Variants in TRPM7 observed in about 807,000 individuals in gnomAD.
TRPM7 encodes transient receptor potential cation channel subfamily M member 7.
A neutral mutation model predicts 229.7 loss-of-function variants in TRPM7; 134 were observed. The observed-to-expected ratio is 0.58, with a 90% confidence interval of 0.51 to 0.67. TRPM7 has a LOEUF of 0.67. TRPM7 is among the 30% of genes least tolerant of loss of function. TRPM7 has a pLI of 0.00. For synonymous variants in TRPM7, 699 were observed against 715.2 expected (o/e 0.98, Z 0.36); for missense variants, 1,901 against 2,210.0 (o/e 0.86, Z 2.80).
At chr15:50,664,770 G>C (rs937360011) in intron 1 of TRPM7, among the ~76,000 whole-genome samples, 1 of 152,044 alleles carries the variant, frequency 6.6e-6, no homozygotes, top group Admixed American at 6.6e-5. Context: ...AGACCAGCTG[G>C]GTAACACAGT....
At chr15:50,660,266 C>T in intron 2 of TRPM7, among the ~76,000 whole-genome samples, 1 of 151,948 alleles carries the variant, frequency 6.6e-6, no homozygotes, top group Non-Finnish European at 1.5e-5. Context: ...AAAACATTTA[C>T]AGAATGTATT....
At chr15:50,565,515 T>C (rs1411413706) in intron 38 of TRPM7, among the ~76,000 whole-genome samples, 1 of 152,144 alleles carries the variant, frequency 6.6e-6, no homozygotes, top group Non-Finnish European at 1.5e-5. Context: ...TAATACACAA[T>C]GATAAAATAA....
Position 50,613,804 on chromosome 15 carries a change from A to C in TRPM7, c.1673T>G (p.Leu558Trp). 1.2e-6 allele frequency: 2 copies of C among 1,613,908 alleles called. No individual in the cohort carries two copies. Among genetic ancestry groups the C allele is most frequent in the Non-Finnish European group, 1.7e-6 (2 of 1,179,968 alleles). Residue 558 changes from leucine to tryptophan, a missense_variant, in exon 15 of 39, where the codon TTG becomes TGG. Around this residue, in one of 8 missense-constraint regions of TRPM7, gnomAD observed 794 missense variants for 881.9 expected, o/e 0.90. Transcript: ENST00000646667. ...GRNTSSSTPQ[L>W]RKSHESFGNR... ...GCCAAAAGATTCATGACTCTTTCGC[A>C]ACTGAGGAGTGCTGCTGGAGGTATT...
Position 50,636,189 on chromosome 15 carries a change from T to C in TRPM7, c.832+1233A>G, listed in dbSNP as rs190982317. On this transcript the variant is annotated intron_variant, in intron 7 of 38. Transcript: ENST00000646667. ...TGTAGGACTATAAACAATTCTTAAC[T>C]TTTTTTTTTTTTTTGCAATGGAGTC... Among the ~76,000 whole-genome samples, 691 of 124,768 alleles carry C rather than the reference T, an allele frequency of 5.5e-3. 10 individuals carry two copies. Among genetic ancestry groups the C allele is most frequent in the African/African-American group, 0.021 (664 of 31,546 alleles). The allele number at this position is 124,768 out of a possible 152,430, so 81.9% of individuals were successfully genotyped here.
At chr15:50,634,287 C>A (rs142020944) in intron 8 of TRPM7, 95 bp downstream of exon 8, 2 of 1,001,038 alleles carry the variant, frequency 2.0e-6, no homozygotes, top group Non-Finnish European at 2.7e-6. Flanking sequence ...CACCACTGCA[C>A]GCTATCCAGG....
At chr15:50,627,850 G>T (rs995249400) in intron 11 of TRPM7, among the ~76,000 whole-genome samples, 7 of 152,160 alleles carry the variant, frequency 4.6e-5, no homozygotes, top group African/African-American at 1.4e-4. Flanking sequence ...AAAAGGAATA[G>T]GTCTAAACAT....
chr15:50,581,914 A>C (rs2054433678), intron 29 of TRPM7, among the ~76,000 whole-genome samples: 2 of 150,888 alleles, frequency 1.3e-5, no homozygotes, highest in Non-Finnish European at 3.0e-5. Flanking sequence ...ATTCTGATCC[A>C]GTTTAGTAAT....
chr15:50,645,777 A>G (rs2061244990), intron 4 of TRPM7, among the ~76,000 whole-genome samples: 1 of 152,182 alleles, frequency 6.6e-6, no homozygotes, highest in South Asian at 2.1e-4. Flanking sequence ...CACTTCCTAC[A>G]ATGATGGGCT....
intron 22 of TRPM7, among the ~76,000 whole-genome samples, chr15:50,597,791 C>T (rs1284072100): frequency 6.6e-6 from 1 of 152,014 alleles, no homozygotes; most frequent in Non-Finnish European, 1.5e-5. Flanking sequence ...TGATGGTATG[C>T]AGCTGTAATC....
At chr15:50,613,652 A>G (rs1430673466) in intron 15 of TRPM7, 55 bp downstream of exon 15, 3 of 1,415,478 alleles carry the variant, frequency 2.1e-6, no homozygotes, top group Non-Finnish European at 2.8e-6. Context: ...AATACTAAGT[A>G]ATTTAGAAAG....
At chr15:50,679,333 C>CA (rs778078727) in intron 1 of TRPM7, among the ~76,000 whole-genome samples, 20,159 of 137,048 alleles carry the variant, frequency 0.15, 1,962 homozygotes, top group Admixed American at 0.28. Flanking sequence ...AAACACTATC[C>CA]AAAAAAAACA....
At chr15:50,564,841 G>A (rs1046624269) in intron 38 of TRPM7, among the ~76,000 whole-genome samples, 2 of 152,048 alleles carry the variant, frequency 1.3e-5, no homozygotes, top group African/African-American at 2.4e-5. Context: ...TATGGCTTTA[G>A]GGATATAAGC....
Position 50,557,818 on chromosome 15 carries a change from A to G in TRPM7, c.*3860T>C, listed in dbSNP as rs2053187264. On this transcript the variant is annotated 3_prime_UTR_variant, in exon 39 of 39. Coordinates refer to ENST00000646667, the MANE Select transcript of TRPM7 (RefSeq NM_017672.6). Reference sequence around the variant, plus strand: ...GCCACCACACCCAGATAATTTTTGTATTTTTAGTAGAGACGGGGTTTCACC... The same window carrying G: ...GCCACCACACCCAGATAATTTTTGTGTTTTTAGTAGAGACGGGGTTTCACC... 6.6e-6 allele frequency: 1 copy of G among 152,152 alleles called. No homozygotes were observed. Among genetic ancestry groups the G allele is most frequent in the African/African-American group, 2.4e-5 (1 of 41,410 alleles). 9.4% of individuals were successfully genotyped at this position (152,152 alleles called of 1,614,324 possible).
intron 5 of TRPM7, among the ~76,000 whole-genome samples, chr15:50,642,954 T>C (rs904451718): frequency 1.3e-5 from 2 of 152,158 alleles, no homozygotes; most frequent in Non-Finnish European, 2.9e-5. Context: ...AGTATATCTA[T>C]ATTCAGTGTT....
At chr15:50,594,714 C>G in intron 23 of TRPM7, 101 bp from the exon 24 acceptor site, 2 of 791,148 alleles carry the variant, frequency 2.5e-6, no homozygotes, top group Non-Finnish European at 3.7e-6. Flanking sequence ...AATAATAATT[C>G]AAAAAATATC....
chr15:50,644,815 A>C (rs1354179676), intron 4 of TRPM7, among the ~76,000 whole-genome samples: 1 of 141,940 alleles, frequency 7.0e-6, no homozygotes, highest in East Asian at 2.3e-4. Flanking sequence ...AAAAAAAAAA[A>C]AAAAAAAGAA....
chr15:50,591,496 T>C lies in TRPM7; in HGVS notation c.4324+415A>G, dbSNP rs532913991. On this transcript the variant is annotated intron_variant, in intron 26 of 38. Coordinates refer to ENST00000646667, the MANE Select transcript of TRPM7 (RefSeq NM_017672.6). The stretch of plus-strand genomic sequence containing the variant: ...TTTCCCCTACTTCTGATTTTTTTTT[T>C]TTTTTCATTTCATTTCTAGAGACAG... Among the ~76,000 whole-genome samples, 4 of 152,086 alleles carry C rather than the reference T, an allele frequency of 2.6e-5. No homozygotes were observed. In the South Asian group the frequency reaches 8.3e-4, roughly 32 times the overall value.
chr15:50,683,178 G>A (rs2062279653), intron 1 of TRPM7, among the ~76,000 whole-genome samples: 1 of 151,536 alleles, frequency 6.6e-6, no homozygotes. Flanking sequence ...ATGAGCCACT[G>A]CACCCTGACC....
At chr15:50,665,844 T>C (rs1266206350) in intron 1 of TRPM7, among the ~76,000 whole-genome samples, 2 of 151,846 alleles carry the variant, frequency 1.3e-5, no homozygotes, top group Non-Finnish European at 2.9e-5. Flanking sequence ...AATACAAAAA[T>C]TAGCAGAGTG....
Sources: gnomAD v4.1 joint callset for allele counts (sites outside exome capture counted in the v4.1 genomes callset) on GRCh38, gnomAD v4.1.1 for gene constraint, gnomAD v4.1.1 regional missense constraint, MANE v1.5 for transcripts, NCBI Gene and HGNC (gene_info 2026-07-23, HGNC 2026-07-21) for gene names.